TCERG1L: variants seen among roughly 807,000 people sequenced by gnomAD.
TCERG1L encodes transcription elongation regulator 1-like protein.
In TCERG1L, 37 loss-of-function variants were observed where a neutral mutation model predicts 56.3. The ratio of observed to expected loss-of-function variants is 0.66; its 90% CI spans 0.51 to 0.87. The LOEUF is 0.87. Among genes scored for constraint, TCERG1L ranks in the 40% least tolerant of loss-of-function variants. The pLI, the probability that TCERG1L is intolerant of heterozygous loss-of-function variation, is 0.00. For synonymous variants in TCERG1L, 324 were observed against 326.3 expected, an observed-to-expected ratio of 0.99 and a Z score of 0.08; for missense variants, 799 against 774.2, an observed-to-expected ratio of 1.03 and a Z score of -0.38.
At chr10:131,164,881 C>T (rs949354922) in intron 5 of TCERG1L, among the ~76,000 whole-genome samples, 6 of 152,120 alleles carry the variant, frequency 3.9e-5, no homozygotes, top group East Asian at 1.9e-4. Context: ...GAGCCGCCAG[C>T]GCAACATCAG....
intron 7 of TCERG1L, among the ~76,000 whole-genome samples, chr10:131,135,000 C>T (rs1845659597): frequency 6.6e-6 from 1 of 152,194 alleles, no homozygotes. Flanking sequence ...AGACATGATC[C>T]CTTATTTCCA....
At chr10:131,150,101 ACTTAAAACCTGTTGTGTAAAC>A (rs138149012) in intron 6 of TCERG1L, among the ~76,000 whole-genome samples, 10,533 of 152,196 alleles carry the variant, frequency 0.069, 1,219 homozygotes, top group African/African-American at 0.24. Context: ...GCAACTTAAG[ACTTAAAACCTGTTGTGTAAAC>A]CCATGAAGGT....
At chr10:131,125,703 G>T (rs573729596) in intron 8 of TCERG1L, among the ~76,000 whole-genome samples, 1 of 152,348 alleles carries the variant, frequency 6.6e-6, no homozygotes. Flanking sequence ...CGCCAGCTCT[G>T]CTCTGCTCAC....
At chr10:131,203,597 T>G (rs1845478669) in intron 4 of TCERG1L, among the ~76,000 whole-genome samples, 1 of 152,184 alleles carries the variant, frequency 6.6e-6, no homozygotes, top group Non-Finnish European at 1.5e-5. Context: ...CCCATGAGGA[T>G]GAATGTGGGT....
chr10:131,256,988 G>GAAAGAAAGATA (rs1324002284), intron 4 of TCERG1L, among the ~76,000 whole-genome samples: 2 of 72,850 alleles, frequency 2.7e-5, no homozygotes. Flanking sequence ...AAGGAAGGAA[G>GAAAGAAAGATA]GAAGGAAAGA....
chr10:131,172,148 G>A (rs1213997191), intron 4 of TCERG1L, among the ~76,000 whole-genome samples: 4 of 152,174 alleles, frequency 2.6e-5, no homozygotes, highest in African/African-American at 9.7e-5. Flanking sequence ...GAAGCGTGTG[G>A]AGTAAATCCC....
At position 131,255,646 on chromosome 10, in the gene TCERG1L, G is replaced by A. The variant is rs1457893412; in HGVS notation, c.856+4613C>T. Among the ~76,000 whole-genome samples the A allele has an allele frequency of 2.6e-5, 4 of 152,236 alleles. No individual in the cohort carries two copies. In the East Asian group the frequency reaches 7.7e-4, roughly 29 times the overall value. Reference sequence around the variant, plus strand: ...TTCCACATTTTCTCTTCAAAGAGAGGGTGAATTGGAGCTAACAGTGGAGAT... The same window carrying A: ...TTCCACATTTTCTCTTCAAAGAGAGAGTGAATTGGAGCTAACAGTGGAGAT... On this transcript the variant is annotated intron_variant, in intron 4 of 11. Coordinates refer to ENST00000368642, the MANE Select transcript of TCERG1L (RefSeq NM_174937.4).
chr10:131,258,243 C>T (rs1283369771), intron 4 of TCERG1L, among the ~76,000 whole-genome samples: 1 of 152,252 alleles, frequency 6.6e-6, no homozygotes, highest in Non-Finnish European at 1.5e-5. Context: ...TTCTGTGGGC[C>T]TCTTGCGATG....
chr10:131,191,364 A>C lies in TCERG1L; in HGVS notation c.857-24479T>G, dbSNP rs1014807678. On this transcript the variant is annotated intron_variant, in intron 4 of 11. Coordinates refer to ENST00000368642, the MANE Select transcript of TCERG1L (RefSeq NM_174937.4). Reference sequence around the variant, plus strand: ...TCAAAATACCAACATCATGTGTCACAGAATTAGAAAAAACAATTCTAAAAT... The same window carrying C: ...TCAAAATACCAACATCATGTGTCACCGAATTAGAAAAAACAATTCTAAAAT... Among the ~76,000 whole-genome samples the C allele has an allele frequency of 5.8e-4, 83 of 144,326 alleles. 9 individuals are homozygous for C. The highest frequency in any genetic ancestry group is 1.9e-3 in the African/African-American group (74 of 38,350). 94.7% of individuals were successfully genotyped at this position (144,326 alleles called of 152,430 possible). A position where few individuals can be genotyped will look rare whatever the true frequency, so the allele number is the denominator to read the frequency against.
intron 7 of TCERG1L, among the ~76,000 whole-genome samples, chr10:131,136,369 T>A (rs1845675419): frequency 6.6e-6 from 1 of 152,026 alleles, no homozygotes; most frequent in South Asian, 2.1e-4. Flanking sequence ...AGTCTCGCTC[T>A]GCCCAGCTTC....
At chr10:131,193,615 T>G in intron 4 of TCERG1L, among the ~76,000 whole-genome samples, 1 of 152,348 alleles carries the variant, frequency 6.6e-6, no homozygotes, top group Non-Finnish European at 1.5e-5. Context: ...CTTTCTCCAA[T>G]GTCTTGTCAG....
chr10:131,286,616 T>C (rs1472674932), intron 3 of TCERG1L, among the ~76,000 whole-genome samples: 2 of 152,244 alleles, frequency 1.3e-5, no homozygotes, highest in Non-Finnish European at 2.9e-5. Flanking sequence ...AAATACTATA[T>C]AAGTGTACAC....
intron 4 of TCERG1L, among the ~76,000 whole-genome samples, chr10:131,200,267 G>A (rs1183716398): frequency 6.6e-6 from 1 of 152,196 alleles, no homozygotes; most frequent in Admixed American, 6.5e-5. Context: ...CAAACGAGCT[G>A]AGGCTGGGTA....
intron 9 of TCERG1L, among the ~76,000 whole-genome samples, chr10:131,111,053 A>G (rs1045760974): frequency 7.0e-6 from 1 of 143,508 alleles, no homozygotes; most frequent in African/African-American, 2.5e-5. Context: ...GAAAAGGGCG[A>G]AAGCTAGCAA....
At chr10:131,201,821 C>T (rs916825349) in intron 4 of TCERG1L, among the ~76,000 whole-genome samples, 9 of 152,126 alleles carry the variant, frequency 5.9e-5, no homozygotes, top group East Asian at 3.9e-4. Flanking sequence ...TCAGAGCTGC[C>T]GGCTTTGCTA....
intron 7 of TCERG1L, among the ~76,000 whole-genome samples, chr10:131,136,274 G>A (rs910649757): frequency 2.6e-5 from 4 of 152,190 alleles, no homozygotes; most frequent in Non-Finnish European, 4.4e-5. Context: ...GGACCCCAAA[G>A]GACACACTTT....
At chr10:131,221,211 G>A (rs993201968) in intron 4 of TCERG1L, among the ~76,000 whole-genome samples, 3 of 152,232 alleles carry the variant, frequency 2.0e-5, no homozygotes, top group Admixed American at 6.5e-5. Flanking sequence ...GACCCGCCAA[G>A]AGCCGCAGCT....
At chr10:131,109,925 C>T (rs968771695) in intron 9 of TCERG1L, among the ~76,000 whole-genome samples, 3 of 152,208 alleles carry the variant, frequency 2.0e-5, no homozygotes, top group African/African-American at 7.2e-5. Context: ...GCGGCAGTTT[C>T]CAAACTCGGC....
chr10:131,224,079 G>C (rs1479594144), intron 4 of TCERG1L, among the ~76,000 whole-genome samples: 1 of 151,996 alleles, frequency 6.6e-6, no homozygotes, highest in East Asian at 1.9e-4. Flanking sequence ...AATTCCAGTC[G>C]ATTAGGAATT....
Sources: allele counts gnomAD v4.1 joint callset (sites outside exome capture counted in the v4.1 genomes callset), GRCh38; gene constraint gnomAD v4.1.1; transcripts MANE v1.5; gene names NCBI Gene and HGNC (gene_info 2026-07-23, HGNC 2026-07-21).